CLDND1: variants seen among roughly 807,000 people sequenced by gnomAD.
The protein encoded by CLDND1 is claudin domain-containing protein 1.
A neutral mutation model predicts 26.3 loss-of-function variants in CLDND1; 13 were observed. The ratio of observed to expected loss-of-function variants is 0.49; its 90% CI spans 0.32 to 0.78. The LOEUF (loss-of-function observed/expected upper bound fraction) is 0.78, where lower values mean the gene tolerates loss of function less well. CLDND1 is among the 30% of genes least tolerant of loss of function. The pLI is 0.03. For missense variants in CLDND1, 289 were observed against 312.8 expected, an observed-to-expected ratio of 0.92 and a Z score of 0.57; for synonymous variants, 107 against 107.0, an observed-to-expected ratio of 1.00 and a Z score of 0.00.
chr3:98,520,997 A>G, intron 2 of CLDND1, 136 bp downstream of exon 2: 17 of 734,632 alleles, frequency 2.3e-5, no homozygotes, highest in Non-Finnish European at 1.4e-5. Context: ...GGCAGTAGAA[A>G]GAGAAGATAC....
intron 4 of CLDND1, 58 bp downstream of exon 4, chr3:98,516,994 C>A: frequency 6.2e-7 from 1 of 1,610,004 alleles, no homozygotes; most frequent in Non-Finnish European, 8.5e-7. Context: ...ATTTATAACT[C>A]TTTGGTCCCT....
At chr3:98,521,026 G>C in intron 2 of CLDND1, 107 bp downstream of exon 2, 1 of 912,228 alleles carries the variant, frequency 1.1e-6, no homozygotes, top group Non-Finnish European at 1.7e-6. Context: ...TTTCTTTAAG[G>C]AGAGAGAGAA....
At chr3:98,521,519 T>C (rs949742362) in intron 1 of CLDND1, 77 bp from the exon 2 acceptor site, 1 of 1,508,862 alleles carries the variant, frequency 6.6e-7, no homozygotes, top group African/African-American at 1.4e-5. Flanking sequence ...TTATTCCAAA[T>C]GCACCCTTTA....
chr3:98,516,583 A>G lies in CLDND1; in HGVS notation c.*76T>C. On this transcript the variant is annotated 3_prime_UTR_variant, in exon 5 of 5. Transcript: ENST00000341181. ...ATATCCACAAATAAAAATTAAAAAC[A>G]ATTGAGAGGTGGGGAAAATATCAGT... 2 of 1,489,130 alleles carry G rather than the reference A, an allele frequency of 1.3e-6. No homozygotes were observed. Among genetic ancestry groups the G allele is most frequent in the Non-Finnish European group, 1.8e-6 (2 of 1,118,736 alleles). The allele number at this position is 1,489,130 out of a possible 1,614,324, so 92.2% of individuals were successfully genotyped here. A position where few individuals can be genotyped will look rare whatever the true frequency, so the allele number is the denominator to read the frequency against.
chr3:98,522,666 C>G, intron 1 of CLDND1, 183 bp downstream of exon 1: 1 of 1,430,128 alleles, frequency 7.0e-7, no homozygotes, highest in Non-Finnish European at 9.1e-7. Context: ...GTGCTCGGCC[C>G]CGGGCCAGGG....
At chr3:98,519,041 C>T in intron 2 of CLDND1, 46 bp from the exon 3 acceptor site, 1 of 1,124,416 alleles carries the variant, frequency 8.9e-7, no homozygotes, top group African/African-American at 1.6e-5. Flanking sequence ...AAACATTTAA[C>T]AAAAATCTCT....
intron 1 of CLDND1, chr3:98,522,567 G>A: frequency 2.9e-6 from 4 of 1,360,382 alleles, no homozygotes; most frequent in Non-Finnish European, 3.8e-6. Context: ...CACTGGGAAC[G>A]GCGGTTCGTC....
rs1354530943 is a variant in CLDND1, at chr3:98,516,712, C to T, written c.709G>A (p.Ala237Thr). The T allele has an allele frequency of 6.2e-7, 1 of 1,614,006 alleles. No individual in the cohort carries two copies. The highest frequency in any genetic ancestry group is 1.3e-5 in the African/African-American group (1 of 74,888). The stretch of plus-strand genomic sequence containing the variant: ...GTGTACTCTTTCCGGTTGGTGTGAG[C>T]AGCCCAGATGAAGAGAGCAGAAGCC... ...FMASALFIWA[A>T]HTNRKEYTLM... is the part of the protein sequence containing the mutation. The change falls in exon 5 of 5, where the codon GCT (alanine) becomes ACT (threonine). Residue 237 changes from alanine (A) to threonine (T), a missense_variant. Coordinates refer to ENST00000341181, the MANE Select transcript of CLDND1 (RefSeq NM_001040181.2).
intron 1 of CLDND1, chr3:98,522,426 G>T: frequency 1.6e-6 from 1 of 629,358 alleles, no homozygotes; most frequent in Non-Finnish European, 2.1e-6. Context: ...TGCTGAGTTT[G>T]GAAAATGGGA....
intron 2 of CLDND1, among the ~76,000 whole-genome samples, chr3:98,520,437 G>A (rs1706357608): frequency 6.6e-6 from 1 of 152,138 alleles, no homozygotes; most frequent in Non-Finnish European, 1.5e-5. Flanking sequence ...GCCAACAGAA[G>A]TAGTCATAAA....
chr3:98,519,707 C>T (rs1007188129), intron 2 of CLDND1, among the ~76,000 whole-genome samples: 2 of 152,210 alleles, frequency 1.3e-5, no homozygotes, highest in African/African-American at 4.8e-5. Flanking sequence ...TCTTTAACAG[C>T]ATACCCAACT....
rs553759249 is a variant in CLDND1, at chr3:98,515,777, G to A, written c.*882C>T. The A allele has an allele frequency of 3.4e-4, 436 of 1,289,756 alleles. 2 individuals carry two copies. In the African/African-American group the frequency reaches 6.0e-3, roughly 18 times the overall value. The allele number at this position is 1,289,756 out of a possible 1,614,324, so 79.9% of individuals were successfully genotyped here. ...GACAGCCAGAACTTTAGATCTTGTG[G>A]TAGGTTTCCCAGCTCTGGAGGGTCA... On this transcript the variant is annotated 3_prime_UTR_variant, in exon 5 of 5. Coordinates refer to ENST00000341181, the MANE Select transcript of CLDND1 (RefSeq NM_001040181.2).
chr3:98,522,316 A>C (rs1265620399), intron 1 of CLDND1: 1 of 165,670 alleles, frequency 6.0e-6, no homozygotes, highest in Non-Finnish European at 1.3e-5. Context: ...AAATGACTCA[A>C]GGCAGATCGC....
At chr3:98,521,710 C>G (rs1284037262) in intron 1 of CLDND1, 1 of 1,611,406 alleles carries the variant, frequency 6.2e-7, no homozygotes. Flanking sequence ...CATACTAAAA[C>G]AGACAACACT....
chr3:98,518,620 C>T (rs1171488313), intron 3 of CLDND1: 4 of 382,700 alleles, frequency 1.0e-5, no homozygotes, highest in African/African-American at 2.1e-5. Context: ...ACTAAATGGG[C>T]CCATTAATAA....
In CLDND1 at chr3:98,517,017, A is replaced by G. The variant is rs776905722; in HGVS notation, c.541+35T>C. On this transcript the variant is annotated intron_variant, in intron 4 of 4. Transcript: ENST00000341181. Reference sequence around the variant, plus strand: ...CTCTTTGGTCCCTAAAGAGACAGGAAGAAGCTAAAAGGTAAGTATGATGAC... The same window carrying G: ...CTCTTTGGTCCCTAAAGAGACAGGAGGAAGCTAAAAGGTAAGTATGATGAC... 5.0e-6 allele frequency: 8 copies of G among 1,612,508 alleles called. No individual in the cohort carries two copies. In the Admixed American group the frequency reaches 6.7e-5, roughly 14 times the overall value.
intron 3 of CLDND1, 96 bp from the exon 4 acceptor site, chr3:98,517,285 T>G: frequency 6.5e-6 from 9 of 1,390,686 alleles, no homozygotes; most frequent in Non-Finnish European, 8.8e-6. Flanking sequence ...AGATCTTTTC[T>G]CAAAAAGTGT....
chr3:98,522,680 C>T, intron 1 of CLDND1, 169 bp downstream of exon 1: 1 of 1,456,194 alleles, frequency 6.9e-7, no homozygotes, highest in Non-Finnish European at 9.0e-7. Context: ...GCCAGGGTCC[C>T]CCGGTACCCG....
At chr3:98,522,812 C>T (rs141965800) in intron 1 of CLDND1, 37 bp downstream of exon 1, 2 of 1,613,510 alleles carry the variant, frequency 1.2e-6, no homozygotes. Flanking sequence ...AACCGCGACG[C>T]GACCCCTGCC....
Sources: gnomAD v4.1 joint callset for allele counts (sites outside exome capture counted in the v4.1 genomes callset) on GRCh38, gnomAD v4.1.1 for gene constraint, MANE v1.5 for transcripts, NCBI Gene and HGNC (gene_info 2026-07-23, HGNC 2026-07-21) for gene names.